SLC22A23: variants seen among roughly 807,000 people sequenced by gnomAD.
SLC22A23 encodes the protein solute carrier family 22 member 23, also known as ion transporter protein.
A neutral mutation model predicts 61.0 loss-of-function variants in SLC22A23; 26 were observed. That is an observed-to-expected ratio of 0.43 (90% CI 0.31 to 0.59). SLC22A23 has a LOEUF of 0.59. Among genes scored for constraint, SLC22A23 ranks in the 20% least tolerant of loss-of-function variants. SLC22A23 has a pLI of 0.11. For synonymous variants in SLC22A23, 430 were observed against 413.9 expected (o/e 1.04, Z -0.47); for missense variants, 796 against 934.7 (o/e 0.85, Z 1.94).
intron 4 of SLC22A23, among the ~76,000 whole-genome samples, chr6:3,314,310 C>A (rs1296107608): frequency 6.6e-6 from 1 of 152,228 alleles, no homozygotes; most frequent in Non-Finnish European, 1.5e-5. Context: ...CCCTGGGCCA[C>A]AGAACCCCGG....
At chr6:3,288,150 A>G (rs9405623) in intron 6 of SLC22A23, among the ~76,000 whole-genome samples, 33,647 of 152,110 alleles carry the variant, frequency 0.22, 4,355 homozygotes, top group East Asian at 0.45. Context: ...ATGGCCATCC[A>G]TGGGGTGCCT....
intron 9 of SLC22A23, among the ~76,000 whole-genome samples, chr6:3,282,823 T>C (rs1031285222): frequency 6.6e-6 from 1 of 152,168 alleles, no homozygotes; most frequent in African/African-American, 2.4e-5. Context: ...TTTATTAACC[T>C]ATAAGCATGG....
intron 1 of SLC22A23, among the ~76,000 whole-genome samples, chr6:3,448,840 T>G (rs1772040666): frequency 6.6e-6 from 1 of 152,186 alleles, no homozygotes; most frequent in Non-Finnish European, 1.5e-5. Flanking sequence ...AATCCTATCT[T>G]GGACTAAAGG....
intron 1 of SLC22A23, among the ~76,000 whole-genome samples, chr6:3,451,538 CTTTGTTTT>C (rs1289523531): frequency 6.6e-6 from 1 of 152,146 alleles, no homozygotes; most frequent in Non-Finnish European, 1.5e-5. Context: ...TCCATGGAGT[CTTTGTTTT>C]TTTGTTTTGT....
At chr6:3,310,231 T>TGGAGCACCCTGTCTCCCAG (rs1437614899) in intron 4 of SLC22A23, among the ~76,000 whole-genome samples, 2 of 146,128 alleles carry the variant, frequency 1.4e-5, no homozygotes, top group East Asian at 2.0e-4. Context: ...TGTCTCCCAC[T>TGGAGCACCCTGTCTCCCAG]GGAGCACCCT....
intron 4 of SLC22A23, among the ~76,000 whole-genome samples, chr6:3,307,031 TC>T (rs1762026275): frequency 6.6e-6 from 1 of 152,222 alleles, no homozygotes; most frequent in South Asian, 2.1e-4. Flanking sequence ...GGATTCCTCC[TC>T]TAGGGTAAGT....
rs893540624 is a variant in SLC22A23 at position 3,317,987 on chromosome 6, G to C, written c.1082+5847C>G. Reference sequence around the variant, plus strand: ...TCGCCTATCTTGGCTCCACTTGCTGGAGCATAAATCATTCATGTGTCCCAT... The same window carrying C: ...TCGCCTATCTTGGCTCCACTTGCTGCAGCATAAATCATTCATGTGTCCCAT... On this transcript the variant is annotated intron_variant, in intron 4 of 9. Coordinates refer to ENST00000406686, the MANE Select transcript of SLC22A23 (RefSeq NM_015482.2). The surrounding 1 kb of genome is among the most constrained non-coding windows in gnomAD (Gnocchi z 4.4). Among the ~76,000 whole-genome samples, 2 of 152,108 alleles carry C rather than the reference G, an allele frequency of 1.3e-5. No homozygotes were observed. The highest frequency in any genetic ancestry group is 4.8e-5 in the African/African-American group (2 of 41,410).
chr6:3,416,493 AG>A (rs1260011550), intron 1 of SLC22A23, among the ~76,000 whole-genome samples: 1 of 152,290 alleles, frequency 6.6e-6, no homozygotes, highest in Non-Finnish European at 1.5e-5. Context: ...CCGGTCAATT[AG>A]TAAATACAAC....
chr6:3,332,872 A>T (rs901681872), intron 3 of SLC22A23, among the ~76,000 whole-genome samples: 2 of 152,088 alleles, frequency 1.3e-5, no homozygotes, highest in Non-Finnish European at 2.9e-5. Flanking sequence ...TTCCCCATGG[A>T]ACTTGAAGAA....
At chr6:3,429,679 A>C (rs1770732744) in intron 1 of SLC22A23, among the ~76,000 whole-genome samples, 1 of 152,250 alleles carries the variant, frequency 6.6e-6, no homozygotes, top group South Asian at 2.1e-4. Flanking sequence ...ATGAACAAAG[A>C]AACAAAACGT....
chr6:3,281,244 T>C (rs970195097), intron 9 of SLC22A23, among the ~76,000 whole-genome samples: 1 of 152,222 alleles, frequency 6.6e-6, no homozygotes, highest in African/African-American at 2.4e-5. Flanking sequence ...CAACTCCCAA[T>C]GTCTTACAGA....
At chr6:3,392,294 C>A (rs1419613721) in intron 3 of SLC22A23, among the ~76,000 whole-genome samples, 1 of 152,196 alleles carries the variant, frequency 6.6e-6, no homozygotes. Flanking sequence ...GGGGCCTGGG[C>A]TCCCAGTGTC....
chr6:3,383,288 A>G (rs1013768090), intron 3 of SLC22A23, among the ~76,000 whole-genome samples: 1 of 150,222 alleles, frequency 6.7e-6, no homozygotes, highest in African/African-American at 2.4e-5. Flanking sequence ...CTAACAGATG[A>G]GGTAAAATAA....
At position 3,318,214 on chromosome 6, in the gene SLC22A23, A is replaced by G. The variant is rs1762752163; in HGVS notation, c.1082+5620T>C. Among the ~76,000 whole-genome samples, 2 of 152,132 alleles carry G rather than the reference A, an allele frequency of 1.3e-5. No individual in the cohort carries two copies. The highest frequency in any genetic ancestry group is 1.3e-4 in the Admixed American group (2 of 15,276). ...ATTTTCTGTATTTCCTAATGTTTTA[A>G]CATCTGGAGCCTTGCTGATTCCAGA... On this transcript the variant is annotated intron_variant, in intron 4 of 9. Transcript: ENST00000406686. The surrounding 1 kb of genome is among the most constrained non-coding windows in gnomAD (Gnocchi z 4.3).
intron 1 of SLC22A23, among the ~76,000 whole-genome samples, chr6:3,417,813 T>C (rs1449906341): frequency 2.6e-5 from 4 of 152,218 alleles, no homozygotes; most frequent in East Asian, 1.9e-4. Context: ...GTGGGAACCA[T>C]GCAAAAGACT....
At position 3,387,088 on chromosome 6, in the gene SLC22A23, A is replaced by G. The variant is rs1235145081; in HGVS notation, c.913+23100T>C. Reference sequence around the variant, plus strand: ...TTTGAGGAGTGAGGAGGTAAACAGCAGTGTACCTAGCCACATGGATTATCT... The same window carrying G: ...TTTGAGGAGTGAGGAGGTAAACAGCGGTGTACCTAGCCACATGGATTATCT... On this transcript the variant is annotated intron_variant, in intron 3 of 9. Transcript: ENST00000406686. The surrounding 1 kb of genome is among the most constrained non-coding windows in gnomAD (Gnocchi z 5.0). Among the ~76,000 whole-genome samples, 7 of 152,274 alleles carry G rather than the reference A, an allele frequency of 4.6e-5. No individual in the cohort carries two copies. Among genetic ancestry groups the G allele is most frequent in the African/African-American group, 1.7e-4 (7 of 41,476 alleles).
chr6:3,298,226 G>T lies in SLC22A23; in HGVS notation c.1083-8C>A. ...AGGGACTCGGGGAATATCCTTTAAAGACACAAAGGGGATCAGTGAATGTCT... is the reference window on the plus strand; with the variant it reads ...AGGGACTCGGGGAATATCCTTTAAATACACAAAGGGGATCAGTGAATGTCT... On this transcript the variant is annotated splice_polypyrimidine_tract_variant and splice_region_variant and intron_variant, in intron 4 of 9. Coordinates refer to ENST00000406686, the MANE Select transcript of SLC22A23 (RefSeq NM_015482.2). The T allele has an allele frequency of 6.3e-7, 1 of 1,592,200 alleles. No homozygotes were observed. The highest frequency in any genetic ancestry group is 8.5e-7 in the Non-Finnish European group (1 of 1,171,546).
rs1767307654 is a variant in SLC22A23, at chr6:3,386,379, G to A, written c.913+23809C>T. ...GGAGAAGGGAGAGCACGCTTGCTCT[G>A]TGTACGCCACACGCACAACCAGCCC... On this transcript the variant is annotated intron_variant, in intron 3 of 9. Coordinates refer to ENST00000406686, the MANE Select transcript of SLC22A23 (RefSeq NM_015482.2). This position sits in a 1 kb window ranked among gnomAD's most constrained non-coding sequence, Gnocchi z 4.4. 6.6e-6 allele frequency among the ~76,000 whole-genome samples: 1 copy of A among 152,198 alleles called. No homozygotes were observed. Among genetic ancestry groups the A allele is most frequent in the African/African-American group, 2.4e-5 (1 of 41,452 alleles).
At position 3,328,092 on chromosome 6, in the gene SLC22A23, C is replaced by A. The variant is rs1348802639; in HGVS notation, c.914-4090G>T. On this transcript the variant is annotated intron_variant, in intron 3 of 9. Coordinates refer to ENST00000406686, the MANE Select transcript of SLC22A23 (RefSeq NM_015482.2). The surrounding 1 kb of genome is among the most constrained non-coding windows in gnomAD (Gnocchi z 5.0). ...GATCCTGTCTCTAAAAAACAACCAA[C>A]CAAACAAACAACCGTTACTTTTCCC... Among the ~76,000 whole-genome samples, 1 of 151,774 alleles carries A rather than the reference C, an allele frequency of 6.6e-6. No individual in the cohort carries two copies. Among genetic ancestry groups the A allele is most frequent in the Non-Finnish European group, 1.5e-5 (1 of 68,012 alleles).
Sources: allele counts gnomAD v4.1 joint callset (sites outside exome capture counted in the v4.1 genomes callset), GRCh38; gene constraint gnomAD v4.1.1; non-coding constraint Gnocchi (gnomAD v3.1); transcripts MANE v1.5; gene names NCBI Gene and HGNC (gene_info 2026-07-23, HGNC 2026-07-21).